Variants in JPH2 observed in about 807,000 individuals in gnomAD.
JPH2 encodes junctophilin-2.
JPH2 carries 38 observed loss-of-function variants against 55.9 expected under a neutral mutation model. The observed-to-expected ratio is 0.68, with a 90% CI of 0.52 to 0.89. The LOEUF is 0.89. Among genes scored for constraint, JPH2 ranks in the 40% least tolerant of loss-of-function variants. JPH2 has a pLI of 0.00. For missense variants in JPH2, 964 were observed against 1,037.6 expected (o/e 0.93, Z 0.97); for synonymous variants, 480 against 472.4 (o/e 1.02, Z -0.21).
intron 3 of JPH2, among the ~76,000 whole-genome samples, chr20:44,117,534 G>A (rs1187760475): frequency 6.6e-6 from 1 of 152,226 alleles, no homozygotes; most frequent in Non-Finnish European, 1.5e-5. Context: ...CTCTCAAAGT[G>A]TGGTCTCAGA....
intron 1 of JPH2, among the ~76,000 whole-genome samples, chr20:44,167,670 T>G (rs1426224312): frequency 6.6e-6 from 1 of 152,218 alleles, no homozygotes; most frequent in Non-Finnish European, 1.5e-5. Flanking sequence ...CTGGTGAGTA[T>G]AGAATAACAG....
chr20:44,157,781 C>T (rs1387963124), intron 2 of JPH2, among the ~76,000 whole-genome samples: 2 of 152,096 alleles, frequency 1.3e-5, no homozygotes, highest in African/African-American at 2.4e-5. Context: ...CAGGATTTGG[C>T]CCTAGGCCTG....
chr20:44,159,787 C>T lies in JPH2; in HGVS notation c.1000G>A (p.Gly334Ser), dbSNP rs1235114984. The T allele has an allele frequency of 4.3e-6, 7 of 1,612,882 alleles. No individual in the cohort carries two copies. Among genetic ancestry groups the T allele is most frequent in the African/African-American group, 4.0e-5 (3 of 74,938 alleles). Reference sequence around the variant, plus strand: ...CGGTACTTGCCCTCCTCGCGGTGGCCGTCGGGCAGCGTGGTGCAGCCATAG... The same window carrying T: ...CGGTACTTGCCCTCCTCGCGGTGGCTGTCGGGCAGCGTGGTGCAGCCATAG... ...HGYGCTTLPD[G>S]HREEGKYRHN... The change falls in exon 2 of 6, where the codon GGC becomes AGC. Residue 334 changes from glycine (G) to serine (S), a missense_variant. Gly to Ser is a moderately conservative substitution (Grantham distance 56). Coordinates refer to ENST00000372980, the MANE Select transcript of JPH2 (RefSeq NM_020433.5). The surrounding 1 kb of genome is among the most constrained non-coding windows in gnomAD (Gnocchi z 5.7).
intron 1 of JPH2, among the ~76,000 whole-genome samples, chr20:44,182,476 C>A (rs192959717): frequency 3.9e-5 from 6 of 152,306 alleles, no homozygotes; most frequent in Admixed American, 2.6e-4. Flanking sequence ...AGCTCCTGGG[C>A]ACACCTGGGA....
chr20:44,155,819 T>C (rs977864046), intron 2 of JPH2, among the ~76,000 whole-genome samples: 4 of 152,148 alleles, frequency 2.6e-5, no homozygotes, highest in Non-Finnish European at 5.9e-5. Flanking sequence ...GAGGATCACT[T>C]GAGTCCAGGA....
intron 2 of JPH2, among the ~76,000 whole-genome samples, chr20:44,141,377 C>T (rs929752621): frequency 2.0e-5 from 3 of 152,104 alleles, no homozygotes; most frequent in African/African-American, 7.2e-5. Context: ...AAGCCACCCT[C>T]TAAGGACAGA....
intron 2 of JPH2, among the ~76,000 whole-genome samples, chr20:44,122,076 T>G (rs994244687): frequency 2.0e-5 from 3 of 152,166 alleles, no homozygotes; most frequent in African/African-American, 7.2e-5. Context: ...CATTCTGGGA[T>G]CTAGAGTCTG....
chr20:44,177,423 G>C, intron 1 of JPH2: 1 of 988,536 alleles, frequency 1.0e-6, no homozygotes, highest in Non-Finnish European at 1.2e-6. Flanking sequence ...CCTCGGACAG[G>C]GGCACGTCTG....
rs1289611186 is a variant in JPH2 at position 44,114,755 on chromosome 20, A to G, written c.*14+27T>C. The G allele has an allele frequency of 1.9e-6, 3 of 1,542,186 alleles. No homozygotes were observed. The Admixed American group carries it at 5.7e-5, about 30-fold the overall frequency. The stretch of plus-strand genomic sequence containing the variant: ...ACTCCCCAGGGGCTCCTGCCCCCCA[A>G]CCCCTCCTCCAGCCAGCTGGCTGCA... On this transcript the variant is annotated intron_variant, in intron 5 of 5. Transcript: ENST00000372980.
At chr20:44,115,442 G>C (rs1212512935) in intron 4 of JPH2, among the ~76,000 whole-genome samples, 2 of 152,162 alleles carry the variant, frequency 1.3e-5, no homozygotes, top group Non-Finnish European at 2.9e-5. Context: ...CAGGTGCAAA[G>C]GTAGGAGGAC....
At chr20:44,134,664 A>AT (rs1157047177) in intron 2 of JPH2, among the ~76,000 whole-genome samples, 3 of 7,536 alleles carry the variant, frequency 4.0e-4, no homozygotes, top group African/African-American at 1.4e-3. Context: ...ATAAATATAT[A>AT]TAAATATATA....
chr20:44,166,477 C>T (rs914192645), intron 1 of JPH2, among the ~76,000 whole-genome samples: 1 of 152,226 alleles, frequency 6.6e-6, no homozygotes, highest in Non-Finnish European at 1.5e-5. Context: ...ACCAACCTAC[C>T]TTTAGCTTCA....
rs112712045 is a variant in JPH2, at chr20:44,152,560, T to C, written c.1169+7058A>G. Among the ~76,000 whole-genome samples the C allele has an allele frequency of 3.7e-3, 562 of 152,314 alleles. 6 individuals carry two copies. Among genetic ancestry groups the C allele is most frequent in the East Asian group, 0.027 (140 of 5,184 alleles). Reference sequence around the variant, plus strand: ...AATACATGTAAGGTACTTAAAATCATGCCCGGTTCCCAGAAATAAGGACTA... The same window carrying C: ...AATACATGTAAGGTACTTAAAATCACGCCCGGTTCCCAGAAATAAGGACTA... On this transcript the variant is annotated intron_variant, in intron 2 of 5. Coordinates refer to ENST00000372980, the MANE Select transcript of JPH2 (RefSeq NM_020433.5).
chr20:44,147,614 G>A (rs1306687749), intron 2 of JPH2, among the ~76,000 whole-genome samples: 8 of 152,232 alleles, frequency 5.3e-5, no homozygotes, highest in Admixed American at 5.2e-4. Flanking sequence ...CAACCCGGGT[G>A]GAAGTAGAAC....
At chr20:44,126,587 G>A (rs890423783) in intron 2 of JPH2, among the ~76,000 whole-genome samples, 1 of 152,172 alleles carries the variant, frequency 6.6e-6, no homozygotes, top group Non-Finnish European at 1.5e-5. Context: ...TGGGTGTCCA[G>A]TCACTGGCCC....
chr20:44,165,312 CA>C (rs2072648717), intron 1 of JPH2, among the ~76,000 whole-genome samples: 1 of 147,626 alleles, frequency 6.8e-6, no homozygotes, highest in Non-Finnish European at 1.5e-5. Flanking sequence ...ACAAAAAAAA[CA>C]ACCCAGCATA....
rs965131944 is a variant in JPH2 at position 44,109,882 on chromosome 20, G to A, written c.*3636C>T. Among the ~76,000 whole-genome samples the A allele has an allele frequency of 2.6e-5, 4 of 151,976 alleles. No homozygotes were observed. The highest frequency in any genetic ancestry group is 4.4e-5 in the Non-Finnish European group (3 of 68,002). ...CCAAATCTGACTCCCACGGTTCCTA[G>A]GTCCCCTCCCTTTCACTGCCCTGGA... On this transcript the variant is annotated 3_prime_UTR_variant, in exon 6 of 6. Transcript: ENST00000372980.
intron 2 of JPH2, among the ~76,000 whole-genome samples, chr20:44,143,626 C>T (rs528092813): frequency 2.2e-3 from 336 of 152,322 alleles, no homozygotes; most frequent in South Asian, 7.3e-3. Flanking sequence ...TCTCGTGCTC[C>T]CCGCTCACGC....
At chr20:44,182,370 T>C (rs905691672) in intron 1 of JPH2, among the ~76,000 whole-genome samples, 2 of 152,106 alleles carry the variant, frequency 1.3e-5, no homozygotes. Context: ...ATCTGTGAGG[T>C]TTCCAGGGCC....
Sources: gnomAD v4.1 joint callset for allele counts (sites outside exome capture counted in the v4.1 genomes callset) on GRCh38, gnomAD v4.1.1 for gene constraint, Gnocchi (gnomAD v3.1) non-coding constraint, MANE v1.5 for transcripts, NCBI Gene and HGNC (gene_info 2026-07-23, HGNC 2026-07-21) for gene names.